The following PTPRT variants were observed in gnomAD, a reference collection of about 807,000 sequenced individuals.
PTPRT encodes receptor-type tyrosine-protein phosphatase T.
PTPRT carries 56 observed loss-of-function variants against 176.8 expected under a neutral mutation model. The ratio of observed to expected loss-of-function variants is 0.32; its 90% CI spans 0.26 to 0.40. The LOEUF (loss-of-function observed/expected upper bound fraction) is 0.40, where lower values mean the gene tolerates loss of function less well. Among genes scored for constraint, PTPRT ranks in the 10% least tolerant of loss-of-function variants. PTPRT has a pLI of 1.00. For missense variants in PTPRT, 1,540 were observed against 1,908.2 expected (o/e 0.81, Z 3.60); for synonymous variants, 783 against 739.0 (o/e 1.06, Z -0.96).
rs541399917 is a variant in PTPRT at position 42,449,745 on chromosome 20, T to C, written c.1451-1416A>G. On this transcript the variant is annotated intron_variant, in intron 8 of 30. Transcript: ENST00000373187. ...CTCTCTACATATAGCCTTGGCCATA[T>C]GTTGCAATCAGTTCCCCTTTGTTAA... Among the ~76,000 whole-genome samples, 101 of 152,344 alleles carry C rather than the reference T, an allele frequency of 6.6e-4. 3 individuals are homozygous for C. Among genetic ancestry groups the C allele is most frequent in the Non-Finnish European group, 1.6e-4 (11 of 68,032 alleles).
chr20:42,785,546 T>C (rs2077276708), intron 3 of PTPRT, among the ~76,000 whole-genome samples: 1 of 152,214 alleles, frequency 6.6e-6, no homozygotes, highest in Non-Finnish European at 1.5e-5. Flanking sequence ...GAGAGTCTTG[T>C]GGGTGCTTGT....
At chr20:42,062,163 T>A in the PTPRT span, among the ~76,000 whole-genome samples, 1 of 152,152 alleles carries the variant, frequency 6.6e-6, no homozygotes, top group Non-Finnish European at 1.5e-5. Flanking sequence ...CTTAAGAAGA[T>A]TGCTTGTGTA....
At chr20:42,819,139 G>A (rs1254442616) in intron 2 of PTPRT, among the ~76,000 whole-genome samples, 2 of 152,096 alleles carry the variant, frequency 1.3e-5, no homozygotes, top group Admixed American at 6.6e-5. Flanking sequence ...AACTATTAAG[G>A]GCAGACAGAG....
rs950685133 is a variant in PTPRT at position 43,100,313 on chromosome 20, G to A, written c.88+89333C>T. Among the ~76,000 whole-genome samples, 3 of 152,120 alleles carry A rather than the reference G, an allele frequency of 2.0e-5. No individual in the cohort carries two copies. In the South Asian group the frequency reaches 6.2e-4, roughly 32 times the overall value. The stretch of plus-strand genomic sequence containing the variant: ...AATTACTTGAACCCAAGAGGCAGGG[G>A]TTGCAGTGAGCTAAGATCGCGCCAC... On this transcript the variant is annotated intron_variant, in intron 1 of 30. Transcript: ENST00000373187.
intron 1 of PTPRT, among the ~76,000 whole-genome samples, chr20:43,159,392 T>A (rs2014622170): frequency 6.6e-6 from 1 of 152,236 alleles, no homozygotes; most frequent in African/African-American, 2.4e-5. Flanking sequence ...TGCAGAGTCA[T>A]CATTGCCTAT....
At chr20:42,875,880 A>T (rs1236326424) in intron 2 of PTPRT, among the ~76,000 whole-genome samples, 1 of 152,206 alleles carries the variant, frequency 6.6e-6, no homozygotes, top group Non-Finnish European at 1.5e-5. Context: ...CTGATCTGTA[A>T]AATGCAGATA....
At chr20:42,152,498 C>T (rs1989179763) in intron 17 of PTPRT, among the ~76,000 whole-genome samples, 1 of 152,208 alleles carries the variant, frequency 6.6e-6, no homozygotes, top group African/African-American at 2.4e-5. Context: ...AAGTTGAGTG[C>T]ATGTCTGCAT....
chr20:42,856,388 G>T (rs2078563500), intron 2 of PTPRT, among the ~76,000 whole-genome samples: 1 of 152,120 alleles, frequency 6.6e-6, no homozygotes, highest in Non-Finnish European at 1.5e-5. Flanking sequence ...AAGATTGTGT[G>T]TCCCCCACAG....
At chr20:42,962,089 C>T (rs929820766) in intron 1 of PTPRT, among the ~76,000 whole-genome samples, 1 of 152,116 alleles carries the variant, frequency 6.6e-6, no homozygotes, top group Admixed American at 6.5e-5. Flanking sequence ...AGATCTGTGT[C>T]GGTTTAAGCC....
chr20:42,542,985 T>C (rs2145585211), intron 7 of PTPRT, among the ~76,000 whole-genome samples: 1 of 152,338 alleles, frequency 6.6e-6, no homozygotes, highest in Middle Eastern at 3.4e-3. Context: ...TGCTGAAAAA[T>C]GCTAAGGATC....
intron 9 of PTPRT, among the ~76,000 whole-genome samples, chr20:42,447,280 C>T (rs971221054): frequency 6.6e-6 from 1 of 152,022 alleles, no homozygotes; most frequent in African/African-American, 2.4e-5. Flanking sequence ...CCTAGAGAAA[C>T]CCTGAAGAAG....
rs1982436577 is a variant in PTPRT at position 42,072,977 on chromosome 20, A to G, written c.*7902T>C. The G allele has an allele frequency of 8.9e-6, 2 of 224,572 alleles. No homozygotes were observed. The highest frequency in any genetic ancestry group is 1.8e-4 in the South Asian group (1 of 5,458). The allele number at this position is 224,572 out of a possible 1,614,324, so 13.9% of individuals were successfully genotyped here. On this transcript the variant is annotated 3_prime_UTR_variant, in exon 31 of 31. Transcript: ENST00000373187. ...TTTTCTGAGCTAGAATTGAAAAGAA[A>G]AAAAAAACATTGACAGCACAGTGCT...
intron 1 of PTPRT, among the ~76,000 whole-genome samples, chr20:43,115,004 C>G (rs1251616989): frequency 6.6e-6 from 1 of 152,186 alleles, no homozygotes; most frequent in Non-Finnish European, 1.5e-5. Flanking sequence ...GCATTATCCA[C>G]ATTCCAGGCA....
intron 9 of PTPRT, among the ~76,000 whole-genome samples, chr20:42,443,111 T>C (rs993391557): frequency 2.0e-5 from 3 of 152,354 alleles, no homozygotes; most frequent in South Asian, 2.1e-4. Flanking sequence ...GCAGGAATAT[T>C]CCTTACTGCA....
chr20:42,376,153 C>T lies in PTPRT; in HGVS notation c.1561-23868G>A, dbSNP rs144593455. Among the ~76,000 whole-genome samples the T allele has an allele frequency of 1.9e-3, 291 of 152,304 alleles. 2 individuals are homozygous for T. Among genetic ancestry groups the T allele is most frequent in the African/African-American group, 4.8e-3 (200 of 41,580 alleles). ...TGTGATGAACGGGACTAAAAAGATA[C>T]GAGCTTGCCGGATGAAAGATGGAAA... On this transcript the variant is annotated intron_variant, in intron 9 of 30. Coordinates refer to ENST00000373187, the MANE Select transcript of PTPRT (RefSeq NM_007050.6).
intron 6 of PTPRT, among the ~76,000 whole-genome samples, chr20:42,723,154 G>A (rs6103018): frequency 6.6e-6 from 1 of 152,126 alleles, no homozygotes; most frequent in Non-Finnish European, 1.5e-5. Context: ...AGAGTGCTTA[G>A]GTCAATGCCT....
At chr20:42,811,927 A>C (rs1161806421) in intron 2 of PTPRT, among the ~76,000 whole-genome samples, 1 of 152,122 alleles carries the variant, frequency 6.6e-6, no homozygotes, top group East Asian at 1.9e-4. Context: ...GCCTGAGTAC[A>C]TTTACTCTTG....
At position 42,190,882 on chromosome 20, in the gene PTPRT, A is replaced by T. The variant is rs543928545; in HGVS notation, c.2491+8358T>A. Among the ~76,000 whole-genome samples the T allele has an allele frequency of 1.7e-4, 26 of 152,292 alleles. No homozygotes were observed. The South Asian group carries it at 3.9e-3, about 23-fold the overall frequency. On this transcript the variant is annotated intron_variant, in intron 16 of 30. Coordinates refer to ENST00000373187, the MANE Select transcript of PTPRT (RefSeq NM_007050.6). ...GGGGTGTCAGGCTGACCTAGGTTTG[A>T]GTTCCAGCTCTGCCATTTAAAGCTA...
chr20:42,384,041 A>G (rs2058720268), intron 9 of PTPRT, among the ~76,000 whole-genome samples: 1 of 152,232 alleles, frequency 6.6e-6, no homozygotes, highest in Admixed American at 6.5e-5. Flanking sequence ...TATCAATATA[A>G]GTTTGACACA....
Sources: gnomAD v4.1 joint callset for allele counts (sites outside exome capture counted in the v4.1 genomes callset) on GRCh38, gnomAD v4.1.1 for gene constraint, MANE v1.5 for transcripts, NCBI Gene and HGNC (gene_info 2026-07-23, HGNC 2026-07-21) for gene names.